Variants in CFAP100 observed in about 807,000 individuals in gnomAD.
CFAP100 encodes cilia and flagella associated protein 100, also known as cilia- and flagella-associated protein 100.
Under a neutral mutation model 81.5 loss-of-function variants are expected in CFAP100, and 70 were observed. That is an observed-to-expected ratio of 0.86 (90% CI 0.71 to 1.05). The LOEUF is 1.05. Among genes scored for constraint, CFAP100 ranks in the 50% least tolerant of loss-of-function variants. The pLI is 0.00. For missense variants in CFAP100, 811 were observed against 776.5 expected, an observed-to-expected ratio of 1.04 and a Z score of -0.53; for synonymous variants, 341 against 314.8, an observed-to-expected ratio of 1.08 and a Z score of -0.88.
intron 14 of CFAP100, 191 bp from the exon 15 acceptor site, chr3:126,433,985 C>A: frequency 3.5e-6 from 2 of 579,394 alleles, no homozygotes; most frequent in South Asian, 4.2e-5. Context: ...CCAGGGGGCC[C>A]GGGGGATAGG....
At position 126,418,721 on chromosome 3, in the gene CFAP100, G is replaced by C. The variant is rs750204978; in HGVS notation, c.597G>C (p.Leu199Phe). 2 of 1,594,906 alleles carry C rather than the reference G, an allele frequency of 1.3e-6. No homozygotes were observed. Among genetic ancestry groups the C allele is most frequent in the Non-Finnish European group, 8.5e-7 (1 of 1,171,278 alleles). ...AEKSLEKDAA[L>F]FDEFVRENDC... is the part of the protein sequence containing the mutation. ...AATCCCTGGAGAAGGACGCCGCCTT[G>C]TTCGACGAGTTCGTCAGGGAGAATG... is the stretch of plus-strand genomic sequence containing the variant. Residue 199 changes from leucine to phenylalanine, a missense_variant, in exon 7 of 17, where the codon TTG becomes TTC. Transcript: ENST00000352312.
rs2083364592 is a variant in CFAP100, at chr3:126,423,482, G to A, written c.1135-11G>A. ...CCCTGTCCAGTCCCTGCCAAAACCTGTGGGTTGCAGGAACCACAGCTGTAC... is the reference window on the plus strand; with the variant it reads ...CCCTGTCCAGTCCCTGCCAAAACCTATGGGTTGCAGGAACCACAGCTGTAC... On this transcript the variant is annotated splice_polypyrimidine_tract_variant and intron_variant, in intron 12 of 16. Coordinates refer to ENST00000352312, the MANE Select transcript of CFAP100 (RefSeq NM_182628.3). 2.5e-6 allele frequency: 4 copies of A among 1,613,870 alleles called. No individual in the cohort carries two copies. The African/African-American group carries it at 5.3e-5, about 22-fold the overall frequency.
intron 15 of CFAP100, 138 bp downstream of exon 15, chr3:126,434,519 G>A (rs1036721024): frequency 8.6e-6 from 7 of 815,790 alleles, no homozygotes; most frequent in South Asian, 1.8e-5. Context: ...AAAAGCCCAT[G>A]TCTTGGGGGG....
intron 11 of CFAP100, 66 bp downstream of exon 11, chr3:126,420,295 T>A: frequency 1.3e-6 from 2 of 1,593,302 alleles, no homozygotes; most frequent in Non-Finnish European, 1.7e-6. Flanking sequence ...GTGGCACCCA[T>A]GTGTAGTCAG....
intron 2 of CFAP100, among the ~76,000 whole-genome samples, chr3:126,406,337 T>C (rs959379405): frequency 1.3e-5 from 2 of 152,078 alleles, no homozygotes; most frequent in Non-Finnish European, 2.9e-5. Flanking sequence ...AACCCTGTCT[T>C]CCCGCTCAGT....
chr3:126,419,615 T>G, intron 8 of CFAP100, 22 bp from the exon 9 acceptor site: 1 of 1,608,882 alleles, frequency 6.2e-7, no homozygotes, highest in Admixed American at 1.7e-5. Flanking sequence ...CCTTCCCACA[T>G]CCTCACCCCG....
intron 3 of CFAP100, among the ~76,000 whole-genome samples, chr3:126,408,894 T>A (rs2083112426): frequency 6.6e-6 from 1 of 152,100 alleles, no homozygotes; most frequent in African/African-American, 2.4e-5. Context: ...GTTTAAGCGA[T>A]CCTCCTGCTT....
Position 126,402,094 on chromosome 3 carries a change from G to A in CFAP100, c.50-5078G>A, listed in dbSNP as rs560345510. 2.6e-3 allele frequency among the ~76,000 whole-genome samples: 395 copies of A among 152,294 alleles called. 2 individuals carry two copies. Among genetic ancestry groups the A allele is most frequent in the Non-Finnish European group, 4.2e-3 (283 of 68,030 alleles). On this transcript the variant is annotated intron_variant, in intron 2 of 16. Transcript: ENST00000352312. ...GTAGGCATGGCACCTCCTTCAGGGCGGCATCCCCAGCCACACCTGACCCTG... is the reference window on the plus strand; with the variant it reads ...GTAGGCATGGCACCTCCTTCAGGGCAGCATCCCCAGCCACACCTGACCCTG...
rs144599970 is a variant in CFAP100 at position 126,407,244 on chromosome 3, A to T, written c.122A>T (p.Lys41Ile). The T allele has an allele frequency of 8.1e-6, 13 of 1,613,378 alleles. No homozygotes were observed. In the Admixed American group the frequency reaches 1.5e-4, roughly 19 times the overall value. ...GAGAACCCAAAGAAACAGGCAAGAAAAAACGAAGGTAACCTTCAAGCTGGG... is the reference window on the plus strand; with the variant it reads ...GAGAACCCAAAGAAACAGGCAAGAATAAACGAAGGTAACCTTCAAGCTGGG... Reference protein sequence around the residue: ...TEENPKKQARKNEEHGPDPSA... With the variant: ...TEENPKKQARINEEHGPDPSA... The change falls in exon 3 of 17, where the codon AAA (lysine) becomes ATA (isoleucine). Residue 41 changes from lysine to isoleucine, a missense_variant. By Grantham distance (102) the Lys-to-Ile change is moderately radical. Transcript: ENST00000352312.
At chr3:126,410,076 C>A (rs954400403) in intron 3 of CFAP100, among the ~76,000 whole-genome samples, 1 of 152,128 alleles carries the variant, frequency 6.6e-6, no homozygotes, top group Admixed American at 6.5e-5. Context: ...TGTTGGGAGC[C>A]TGTAGTCCCA....
At chr3:126,407,096 C>A in intron 2 of CFAP100, 76 bp from the exon 3 acceptor site, 1 of 988,218 alleles carries the variant, frequency 1.0e-6, no homozygotes, top group Non-Finnish European at 1.6e-6. Context: ...GAGACATTCC[C>A]CGCCTCAGGC....
chr3:126,420,070 A>G, intron 10 of CFAP100, 33 bp from the exon 11 acceptor site: 3 of 1,613,262 alleles, frequency 1.9e-6, no homozygotes, highest in Non-Finnish European at 2.5e-6. Context: ...TGCCCTGCAC[A>G]GGGCTCGGAA....
In CFAP100 at chr3:126,436,290, G is replaced by T; in HGVS notation, c.1723-1G>T. 6.2e-7 allele frequency: 1 copy of T among 1,612,138 alleles called. No individual in the cohort carries two copies. The highest frequency in any genetic ancestry group is 8.5e-7 in the Non-Finnish European group (1 of 1,178,470). ...GCTCACTGGGCTTGTTTCCCCTGCA[G>T]AGAGGCAGGACACTGGTATGCCGCT... On this transcript the variant is annotated splice_acceptor_variant, in intron 16 of 16. Transcript: ENST00000352312. LOFTEE classifies it high-confidence loss of function.
At chr3:126,409,966 C>T (rs578087414) in intron 3 of CFAP100, among the ~76,000 whole-genome samples, 1 of 152,240 alleles carries the variant, frequency 6.6e-6, no homozygotes, top group Non-Finnish European at 1.5e-5. Flanking sequence ...TTTGGGAGGC[C>T]GAGGCGGGTG....
chr3:126,427,021 G>A (rs1455079892), intron 13 of CFAP100, among the ~76,000 whole-genome samples: 3 of 152,200 alleles, frequency 2.0e-5, no homozygotes. Context: ...AAAATAAATA[G>A]AGAGATATTC....
In CFAP100 at chr3:126,418,496, A is replaced by T; in HGVS notation, c.457A>T (p.Lys153Ter). 6.2e-7 allele frequency: 1 copy of T among 1,614,144 alleles called. No individual in the cohort carries two copies. Among genetic ancestry groups the T allele is most frequent in the Middle Eastern group, 1.7e-4 (1 of 6,058 alleles). ...VEPENMSGYI[K>*]QKRQMFLLQY... is the part of the protein sequence containing the mutation. ...GCCTGAGAACATGAGTGGCTACATT[A>T]AGCAGAAGCGGCAAATGTTCCTCCT... Residue 153 changes from lysine (K) to a stop codon, truncating the protein, a stop_gained, in exon 6 of 17, where the codon AAG becomes TAG. Coordinates refer to ENST00000352312, the MANE Select transcript of CFAP100 (RefSeq NM_182628.3). LOFTEE classifies it high-confidence loss of function.
chr3:126,398,320 C>G (rs1156642996), intron 2 of CFAP100, among the ~76,000 whole-genome samples: 1 of 152,206 alleles, frequency 6.6e-6, no homozygotes, highest in Non-Finnish European at 1.5e-5. Context: ...TGCGGCTGGT[C>G]CCTCTGGGCC....
chr3:126,416,459 T>A lies in CFAP100; in HGVS notation c.369T>A (p.His123Gln). Residue 123 changes from histidine (H) to glutamine (Q), a missense_variant, in exon 5 of 17, where the codon CAT becomes CAA. By Grantham distance (24) the His-to-Gln change is conservative. Coordinates refer to ENST00000352312, the MANE Select transcript of CFAP100 (RefSeq NM_182628.3). ...TGGAGGCGCGCGCCGAGGCCGAGCA[T>A]CAGCGCGCCTTCCGCGACTACACGA... is the stretch of plus-strand genomic sequence containing the variant. Reference protein sequence around the residue: ...EDLEARAEAEHQRAFRDYTTW... With the variant: ...EDLEARAEAEQQRAFRDYTTW... The A allele has an allele frequency of 6.2e-7, 1 of 1,609,136 alleles. No homozygotes were observed. Among genetic ancestry groups the A allele is most frequent in the Non-Finnish European group, 8.5e-7 (1 of 1,178,252 alleles).
chr3:126,405,193 C>T (rs2083044884), intron 2 of CFAP100, among the ~76,000 whole-genome samples: 3 of 152,144 alleles, frequency 2.0e-5, no homozygotes, highest in African/African-American at 4.8e-5. Flanking sequence ...TCTGAATGCT[C>T]TAGGGACCTC....
Sources: gnomAD v4.1 joint callset for allele counts (sites outside exome capture counted in the v4.1 genomes callset) on GRCh38, gnomAD v4.1.1 for gene constraint, MANE v1.5 for transcripts, NCBI Gene and HGNC (gene_info 2026-07-23, HGNC 2026-07-21) for gene names.